Variants in DACH1 observed in about 807,000 individuals in gnomAD.
DACH1 encodes the protein dachshund homolog 1.
DACH1 carries 12 observed loss-of-function variants against 54.2 expected under a neutral mutation model. The ratio of observed to expected loss-of-function variants is 0.22; its 90% confidence interval spans 0.14 to 0.36. The LOEUF (loss-of-function observed/expected upper bound fraction) is 0.36, where lower values mean the gene tolerates loss of function less well. DACH1 is among the 10% of genes least tolerant of loss of function. The pLI, the probability that DACH1 is intolerant of heterozygous loss-of-function variation, is 1.00. For synonymous variants in DACH1, 386 were observed against 366.2 expected (o/e 1.05, Z -0.62); for missense variants, 805 against 929.8 (o/e 0.87, Z 1.75).
intron 1 of DACH1, among the ~76,000 whole-genome samples, chr13:71,761,637 G>A (rs930947774): frequency 4.6e-5 from 7 of 152,134 alleles, no homozygotes; most frequent in African/African-American, 1.7e-4. Context: ...GGTTGGGCAG[G>A]CAGGGAAGCT....
At chr13:71,520,079 A>C (rs1881479788) in intron 6 of DACH1, among the ~76,000 whole-genome samples, 1 of 151,078 alleles carries the variant, frequency 6.6e-6, no homozygotes, top group African/African-American at 2.4e-5. Flanking sequence ...AACAAGTCCA[A>C]AGCCACTGGA....
At chr13:71,864,637 T>A (rs1395537070) in intron 1 of DACH1, among the ~76,000 whole-genome samples, 1 of 152,164 alleles carries the variant, frequency 6.6e-6, no homozygotes, top group Admixed American at 6.5e-5. Context: ...AATCTCACTC[T>A]GAACTTTTGC....
intron 1 of DACH1, among the ~76,000 whole-genome samples, chr13:71,756,985 CAT>C (rs774086137): frequency 4.9e-4 from 75 of 152,124 alleles, no homozygotes; most frequent in Non-Finnish European, 8.4e-4. Flanking sequence ...ACAAAAAACT[CAT>C]ATACTGTGAC....
At chr13:71,453,374 A>C (rs1355384040) in intron 10 of DACH1, among the ~76,000 whole-genome samples, 1 of 152,166 alleles carries the variant, frequency 6.6e-6, no homozygotes, top group African/African-American at 2.4e-5. Context: ...TGATCAAATA[A>C]GATGCTACAG....
intron 6 of DACH1, among the ~76,000 whole-genome samples, chr13:71,516,278 C>T (rs1566310296): frequency 6.6e-6 from 1 of 151,886 alleles, no homozygotes; most frequent in Non-Finnish European, 1.5e-5. Context: ...ATTCCACTTG[C>T]TCAAATAGTA....
At chr13:71,795,698 G>A (rs940537856) in intron 1 of DACH1, among the ~76,000 whole-genome samples, 4 of 152,042 alleles carry the variant, frequency 2.6e-5, no homozygotes, top group African/African-American at 9.7e-5. Context: ...CTTTGAAATC[G>A]GCCAAATATA....
intron 10 of DACH1, among the ~76,000 whole-genome samples, chr13:71,467,866 G>A (rs1204061867): frequency 6.6e-6 from 1 of 151,984 alleles, no homozygotes; most frequent in South Asian, 2.1e-4. Flanking sequence ...TTTTAAGATC[G>A]AGAAAAATGG....
chr13:71,550,799 C>T (rs535214428), intron 6 of DACH1, among the ~76,000 whole-genome samples: 128 of 152,080 alleles, frequency 8.4e-4, no homozygotes, highest in African/African-American at 2.9e-3. Context: ...AGTGATGGCA[C>T]TAAGTTCAAC....
In DACH1 at chr13:71,755,128, T is replaced by C. The variant is rs1885090484; in HGVS notation, c.849-73218A>G. 3.3e-5 allele frequency among the ~76,000 whole-genome samples: 5 copies of C among 152,322 alleles called. No homozygotes were observed. In the South Asian group the frequency reaches 8.3e-4, roughly 25 times the overall value. On this transcript the variant is annotated intron_variant, in intron 1 of 10. Coordinates refer to ENST00000613252, the MANE Select transcript of DACH1 (RefSeq NM_080759.6). ...CCACTTGGCTAATACTGAATAGCAG[T>C]GTTCAACAGAGTTGCCGATATCTCC...
At chr13:71,589,830 A>T (rs1301395156) in intron 3 of DACH1, among the ~76,000 whole-genome samples, 1 of 151,996 alleles carries the variant, frequency 6.6e-6, no homozygotes, top group Admixed American at 6.6e-5. Flanking sequence ...TTATATTATC[A>T]TCATTATCAC....
intron 1 of DACH1, among the ~76,000 whole-genome samples, chr13:71,765,963 T>C (rs1217436128): frequency 2.0e-5 from 3 of 149,598 alleles, no homozygotes; most frequent in South Asian, 4.3e-4. Context: ...CTCTGCTCAC[T>C]GCAAGCTCCG....
chr13:71,835,450 C>A (rs1566531875), intron 1 of DACH1, among the ~76,000 whole-genome samples: 1 of 152,030 alleles, frequency 6.6e-6, no homozygotes, highest in Non-Finnish European at 1.5e-5. Flanking sequence ...GGGTAAGAAT[C>A]CTGTTCTCTT....
intron 6 of DACH1, among the ~76,000 whole-genome samples, chr13:71,513,024 C>T (rs1052926815): frequency 3.3e-5 from 5 of 151,606 alleles, no homozygotes; most frequent in South Asian, 2.1e-4. Flanking sequence ...GTAATAGACA[C>T]GGTAAAGAAA....
intron 3 of DACH1, among the ~76,000 whole-genome samples, chr13:71,583,673 T>G (rs946220559): frequency 6.6e-6 from 1 of 152,026 alleles, no homozygotes; most frequent in Non-Finnish European, 1.5e-5. Flanking sequence ...GGAAACCGTC[T>G]CTACAAAAAA....
chr13:71,738,787 A>G (rs896261042), intron 1 of DACH1, among the ~76,000 whole-genome samples: 2 of 127,122 alleles, frequency 1.6e-5, no homozygotes, highest in Admixed American at 7.3e-5. Flanking sequence ...AATGCTCAAG[A>G]AAAAAAAACA....
At chr13:71,649,384 T>G (rs1878516567) in intron 2 of DACH1, among the ~76,000 whole-genome samples, 1 of 152,130 alleles carries the variant, frequency 6.6e-6, no homozygotes, top group African/African-American at 2.4e-5. Flanking sequence ...ATTTTAAAAT[T>G]GTGTAAAATT....
chr13:71,646,179 A>T (rs1169693057), intron 2 of DACH1, among the ~76,000 whole-genome samples: 5 of 151,958 alleles, frequency 3.3e-5, no homozygotes, highest in South Asian at 4.1e-4. Context: ...TCTAGTAAAA[A>T]TACAAAAATT....
chr13:71,807,004 A>T (rs1451059876), intron 1 of DACH1, among the ~76,000 whole-genome samples: 1 of 152,202 alleles, frequency 6.6e-6, no homozygotes, highest in Admixed American at 6.5e-5. Context: ...ACACAAGGGA[A>T]GTAAATAGGG....
At chr13:71,493,830 A>T (rs972525026) in intron 6 of DACH1, among the ~76,000 whole-genome samples, 2 of 152,158 alleles carry the variant, frequency 1.3e-5, no homozygotes, top group African/African-American at 2.4e-5. Flanking sequence ...TAGAAATTTT[A>T]AAAGTTTTAA....
Sources: gnomAD v4.1 joint callset for allele counts (sites outside exome capture counted in the v4.1 genomes callset) on GRCh38, gnomAD v4.1.1 for gene constraint, MANE v1.5 for transcripts, NCBI Gene and HGNC (gene_info 2026-07-23, HGNC 2026-07-21) for gene names.